The following ASNS variants were observed in gnomAD, a reference collection of about 807,000 sequenced individuals.
ASNS encodes asparagine synthetase (glutamine-hydrolyzing), also known as asparagine synthetase [glutamine-hydrolyzing].
Under a neutral mutation model 62.6 loss-of-function variants are expected in ASNS, and 37 were observed. The ratio of observed to expected loss-of-function variants is 0.59; its 90% CI spans 0.45 to 0.78. The LOEUF (loss-of-function observed/expected upper bound fraction) is 0.78. Among genes scored for constraint, ASNS ranks in the 30% least tolerant of loss-of-function variants. The pLI is 0.00. For synonymous variants in ASNS, 207 were observed against 237.9 expected, an observed-to-expected ratio of 0.87 and a Z score of 1.19; for missense variants, 520 against 682.4, an observed-to-expected ratio of 0.76 and a Z score of 2.65.
At position 97,854,700 on chromosome 7, in the gene ASNS, A is replaced by G; in HGVS notation, c.1138-20T>C. 1 of 1,613,954 alleles carries G rather than the reference A, an allele frequency of 6.2e-7. No homozygotes were observed. Among genetic ancestry groups the G allele is most frequent in the Non-Finnish European group, 8.5e-7 (1 of 1,179,928 alleles). On this transcript the variant is annotated intron_variant, in intron 9 of 12. Coordinates refer to ENST00000394308, the MANE Select transcript of ASNS (RefSeq NM_001673.5). Reference sequence around the variant, plus strand: ...AGGAGCCTATTTCACAAACAAAAACACCAAGAGTTTTGCTTTTGGCACACA... The same window carrying G: ...AGGAGCCTATTTCACAAACAAAAACGCCAAGAGTTTTGCTTTTGGCACACA...
chr7:97,904,307 C>A, the ASNS span, among the ~76,000 whole-genome samples: 1 of 144,764 alleles, frequency 6.9e-6, no homozygotes, highest in East Asian at 1.9e-4. Flanking sequence ...CACACACACA[C>A]ACACACACAC....
upstream of ASNS, among the ~76,000 whole-genome samples, chr7:97,875,860 A>AG: frequency 7.9e-6 from 1 of 126,424 alleles, no homozygotes; most frequent in Non-Finnish European, 1.8e-5. Context: ...ATTATTAGGC[A>AG]ATTTTTTTTT....
the ASNS span, among the ~76,000 whole-genome samples, chr7:97,918,713 G>C: frequency 2.0e-5 from 3 of 152,324 alleles, no homozygotes; most frequent in East Asian, 5.8e-4. Flanking sequence ...TCACTCATAA[G>C]TGGGAGTTGA....
chr7:97,857,717 C>T (rs1292310263), intron 7 of ASNS, among the ~76,000 whole-genome samples: 1 of 151,624 alleles, frequency 6.6e-6, no homozygotes, highest in East Asian at 1.9e-4. Context: ...CTCCTGAGCT[C>T]AGACCTCCCC....
At chr7:97,911,395 T>C in the ASNS span, among the ~76,000 whole-genome samples, 15 of 151,814 alleles carry the variant, frequency 9.9e-5, no homozygotes, top group African/African-American at 3.6e-4. Flanking sequence ...TCTCAGCACT[T>C]TGGGAGGCCG....
chr7:97,902,755 C>T, the ASNS span, among the ~76,000 whole-genome samples: 3 of 152,118 alleles, frequency 2.0e-5, no homozygotes, highest in Non-Finnish European at 4.4e-5. Context: ...AAAAACTGAA[C>T]ATCTCCATAT....
the ASNS span, among the ~76,000 whole-genome samples, chr7:97,881,554 C>G: frequency 6.6e-6 from 1 of 152,146 alleles, no homozygotes; most frequent in South Asian, 2.1e-4. Flanking sequence ...TAGCAACAAC[C>G]AAGATGGCCA....
chr7:97,858,523 A>G (rs1791566748), intron 6 of ASNS, 118 bp from the exon 7 acceptor site: 6 of 1,302,240 alleles, frequency 4.6e-6, no homozygotes, highest in Non-Finnish European at 6.3e-6. Context: ...AAAATCCGCC[A>G]AGTTTTATAA....
chr7:97,886,250 C>T, the ASNS span, among the ~76,000 whole-genome samples: 38,230 of 151,938 alleles, frequency 0.25, 5,089 homozygotes, highest in East Asian at 0.41. Flanking sequence ...CGGGTTCAAG[C>T]GATTCCCCTG....
chr7:97,903,242 G>GTT, the ASNS span, among the ~76,000 whole-genome samples: 3 of 142,720 alleles, frequency 2.1e-5, no homozygotes, highest in African/African-American at 5.1e-5. Flanking sequence ...AAGATCCAGA[G>GTT]TTTTTTTTTT....
chr7:97,910,604 G>A, the ASNS span, among the ~76,000 whole-genome samples: 3 of 78,278 alleles, frequency 3.8e-5, no homozygotes, highest in Non-Finnish European at 8.8e-5. Context: ...ACCACAGTGA[G>A]AGACTTTTTT....
At chr7:97,854,548 TTTTG>T in intron 10 of ASNS, 28 bp downstream of exon 10, 1 of 1,589,146 alleles carries the variant, frequency 6.3e-7, no homozygotes, top group Non-Finnish European at 8.5e-7. Context: ...GTTTTTTTGT[TTTTG>T]TTTTACAATA....
Position 97,864,431 on chromosome 7 carries a change from A to G in ASNS, c.315T>C (p.Tyr105=). The change falls in exon 4 of 13, where the codon TAT becomes TAC. Residue 105 remains tyrosine (Y), a synonymous_variant. Coordinates refer to ENST00000394308, the MANE Select transcript of ASNS (RefSeq NM_001673.5). ...TTGTTTGCTCAATTCCTCCTTTGTC[A>G]TAAAGATGAAGGATTATCTCACCAT... ...KVDGEIILHL[Y]DKGGIEQTIC... 6.2e-7 allele frequency: 1 copy of G among 1,613,998 alleles called. No individual in the cohort carries two copies. The highest frequency in any genetic ancestry group is 2.2e-5 in the East Asian group (1 of 44,810).
chr7:97,857,651 C>CT (rs1791515556), intron 7 of ASNS, among the ~76,000 whole-genome samples: 3 of 149,442 alleles, frequency 2.0e-5, no homozygotes, highest in South Asian at 2.1e-4. Context: ...ACAAAAAACC[C>CT]GTTTTTTTAA....
the ASNS span, among the ~76,000 whole-genome samples, chr7:97,924,942 GC>G: frequency 9.8e-5 from 15 of 152,288 alleles, no homozygotes; most frequent in South Asian, 2.9e-3. Flanking sequence ...TTTGAGACCA[GC>G]CTGGACAACA....
At chr7:97,905,304 C>T in the ASNS span, among the ~76,000 whole-genome samples, 1 of 152,124 alleles carries the variant, frequency 6.6e-6, no homozygotes, top group Admixed American at 6.5e-5. Context: ...TAAACTTGTT[C>T]TTCCCTTTCT....
the ASNS span, among the ~76,000 whole-genome samples, chr7:97,912,773 G>T: frequency 1.6e-4 from 24 of 150,912 alleles, no homozygotes; most frequent in Admixed American, 7.3e-4. Flanking sequence ...AGTAGAGATG[G>T]GGTTTCACAT....
upstream of ASNS, among the ~76,000 whole-genome samples, chr7:97,874,535 T>A (rs1015994397): frequency 2.6e-5 from 4 of 152,212 alleles, no homozygotes; most frequent in African/African-American, 9.7e-5. Context: ...ACAATTTATG[T>A]TTAGAGATTG....
At chr7:97,921,826 G>A in the ASNS span, among the ~76,000 whole-genome samples, 2 of 152,148 alleles carry the variant, frequency 1.3e-5, no homozygotes, top group African/African-American at 4.8e-5. Flanking sequence ...ACACATCCTG[G>A]GTGGGTGCCG....
Sources: allele counts gnomAD v4.1 joint callset (sites outside exome capture counted in the v4.1 genomes callset), GRCh38; gene constraint gnomAD v4.1.1; transcripts MANE v1.5; gene names NCBI Gene and HGNC (gene_info 2026-07-23, HGNC 2026-07-21).